The following NBAS variants were observed in gnomAD, a reference collection of about 807,000 sequenced individuals.
NBAS encodes the protein NBAS subunit of NRZ tethering complex, also known as NAG/BC035112 fusion.
A neutral mutation model predicts 302.5 loss-of-function variants in NBAS; 219 were observed. That is an observed-to-expected ratio of 0.72 (90% CI 0.65 to 0.81). The LOEUF is 0.81. Ranked by LOEUF, NBAS falls within the 30% of genes least tolerant of loss-of-function variation. The pLI is 0.00. For synonymous variants in NBAS, 1,118 were observed against 1,021.6 expected (o/e 1.09, Z -1.80); for missense variants, 2,932 against 2,841.6 (o/e 1.03, Z -0.72).
chr2:14,914,506 T>C, the NBAS span, among the ~76,000 whole-genome samples: 1 of 152,156 alleles, frequency 6.6e-6, no homozygotes, highest in Non-Finnish European at 1.5e-5. Context: ...AACCCATCAC[T>C]CAGGGTTAAG....
At chr2:15,276,718 A>G in intron 43 of NBAS, 133 bp downstream of exon 43, 1 of 1,321,412 alleles carries the variant, frequency 7.6e-7, no homozygotes, top group Non-Finnish European at 1.1e-6. Flanking sequence ...ATAATAACTA[A>G]AGTCGATTAG....
chr2:15,248,198 T>TG (rs1322238714), intron 44 of NBAS, among the ~76,000 whole-genome samples: 1 of 152,182 alleles, frequency 6.6e-6, no homozygotes, highest in Non-Finnish European at 1.5e-5. Flanking sequence ...TGCTCCTGAA[T>TG]GACTACTCGG....
At chr2:14,868,137 A>C in the NBAS span, among the ~76,000 whole-genome samples, 2 of 152,204 alleles carry the variant, frequency 1.3e-5, no homozygotes, top group Non-Finnish European at 2.9e-5. Flanking sequence ...AGGTCACAGA[A>C]GCTAAGCAAT....
At chr2:15,486,607 T>C (rs1199251786) in intron 12 of NBAS, among the ~76,000 whole-genome samples, 8 of 152,208 alleles carry the variant, frequency 5.3e-5, no homozygotes, top group East Asian at 1.9e-4. Context: ...TCCTACTACA[T>C]ACACATTTTT....
chr2:15,257,471 C>T (rs1668654749), intron 44 of NBAS, among the ~76,000 whole-genome samples: 1 of 150,792 alleles, frequency 6.6e-6, no homozygotes. Flanking sequence ...TGGTTCACTG[C>T]AACCTCTGCC....
chr2:15,482,591 G>C (rs992215430), intron 12 of NBAS, among the ~76,000 whole-genome samples: 1 of 152,040 alleles, frequency 6.6e-6, no homozygotes, highest in Non-Finnish European at 1.5e-5. Context: ...ACCCAAAGTG[G>C]GGCAGCTGAG....
At chr2:15,490,103 CA>C (rs34660170) in intron 11 of NBAS, among the ~76,000 whole-genome samples, 92,113 of 151,910 alleles carry the variant, frequency 0.61, 28,883 homozygotes, top group Non-Finnish European at 0.68. Context: ...GTATTGGGGT[CA>C]AATACTAGCT....
the NBAS span, among the ~76,000 whole-genome samples, chr2:15,052,224 G>A: frequency 1.3e-5 from 2 of 152,108 alleles, no homozygotes; most frequent in Non-Finnish European, 2.9e-5. Flanking sequence ...CAGGTCATGT[G>A]GCATCCCAAC....
intron 44 of NBAS, among the ~76,000 whole-genome samples, chr2:15,266,200 C>A (rs570867796): frequency 1.3e-5 from 2 of 152,310 alleles, no homozygotes; most frequent in East Asian, 3.9e-4. Flanking sequence ...GAAGCCTCCC[C>A]AGCCATGAGT....
intron 38 of NBAS, among the ~76,000 whole-genome samples, chr2:15,323,648 C>T (rs992846915): frequency 6.6e-6 from 1 of 151,866 alleles, no homozygotes; most frequent in Non-Finnish European, 1.5e-5. Flanking sequence ...CTGGACAACA[C>T]GAGGAGACTC....
chr2:14,889,402 T>C, the NBAS span, among the ~76,000 whole-genome samples: 3 of 152,290 alleles, frequency 2.0e-5, no homozygotes, highest in South Asian at 6.2e-4. Context: ...ACCAACTGAC[T>C]CCACACTTCT....
intron 44 of NBAS, among the ~76,000 whole-genome samples, chr2:15,274,523 G>C (rs1206733212): frequency 1.3e-5 from 2 of 152,072 alleles, no homozygotes; most frequent in Non-Finnish European, 2.9e-5. Context: ...AGAATGCCCA[G>C]AGTCCAAGTA....
intron 35 of NBAS, among the ~76,000 whole-genome samples, chr2:15,337,436 T>A (rs1256951597): frequency 6.6e-6 from 1 of 150,520 alleles, no homozygotes; most frequent in Non-Finnish European, 1.5e-5. Flanking sequence ...TACCACCTGT[T>A]CCCCAAAAAC....
intron 35 of NBAS, among the ~76,000 whole-genome samples, chr2:15,333,069 C>T (rs182056886): frequency 6.6e-6 from 1 of 152,084 alleles, no homozygotes; most frequent in Admixed American, 6.5e-5. Context: ...AACTTTTATA[C>T]GAGAGGTATT....
rs764214042 is a variant in NBAS at position 15,265,946 on chromosome 2, G to A, written c.5724+9538C>T. On this transcript the variant is annotated intron_variant, in intron 44 of 51. Coordinates refer to ENST00000281513, the MANE Select transcript of NBAS (RefSeq NM_015909.4). The stretch of plus-strand genomic sequence containing the variant: ...AAATTCTAAGGACAGCCGATAATAC[G>A]GTTTGGTTCTGTGTTACCACCCAAA... 4.6e-5 allele frequency among the ~76,000 whole-genome samples: 7 copies of A among 152,242 alleles called. No individual in the cohort carries two copies. In the East Asian group the frequency reaches 5.8e-4, roughly 13 times the overall value.
intron 32 of NBAS, among the ~76,000 whole-genome samples, chr2:15,360,551 T>C (rs1225759158): frequency 1.3e-5 from 2 of 152,010 alleles, no homozygotes; most frequent in African/African-American, 4.8e-5. Context: ...GATTTCACTA[T>C]GTTTCTCAGG....
Position 15,179,511 on chromosome 2 carries a change from G to C in NBAS, c.6712-395C>G, listed in dbSNP as rs1572403478. The C allele has an allele frequency of 1.8e-5, 4 of 224,722 alleles. No homozygotes were observed. The East Asian group carries it at 3.9e-4, about 22-fold the overall frequency. The allele number at this position is 224,722 out of a possible 1,614,324, so 13.9% of individuals were successfully genotyped here. A position where few individuals can be genotyped will look rare whatever the true frequency, so the allele number is the denominator to read the frequency against. The stretch of plus-strand genomic sequence containing the variant: ...TGTGTGTGTGAGAGAGAGAGAGTTT[G>C]TATTGATGAACGCAGCATACAACGC... On this transcript the variant is annotated intron_variant, in intron 50 of 51. Coordinates refer to ENST00000281513, the MANE Select transcript of NBAS (RefSeq NM_015909.4).
intron 44 of NBAS, among the ~76,000 whole-genome samples, chr2:15,239,296 T>C (rs981075926): frequency 1.3e-5 from 2 of 152,004 alleles, no homozygotes; most frequent in African/African-American, 2.4e-5. Context: ...TATCTGCATA[T>C]ACAATATATG....
At chr2:15,556,675 A>G in intron 3 of NBAS, 108 bp downstream of exon 3, 2 of 1,082,948 alleles carry the variant, frequency 1.8e-6, no homozygotes, top group Non-Finnish European at 2.8e-6. Flanking sequence ...CCTGAATGTC[A>G]GCAACTTTAT....
Sources: gnomAD v4.1 joint callset for allele counts (sites outside exome capture counted in the v4.1 genomes callset) on GRCh38, gnomAD v4.1.1 for gene constraint, MANE v1.5 for transcripts, NCBI Gene and HGNC (gene_info 2026-07-23, HGNC 2026-07-21) for gene names.